The following MAGI1 variants were observed in gnomAD, a reference collection of about 807,000 sequenced individuals.
MAGI1 encodes the protein membrane-associated guanylate kinase, WW and PDZ domain-containing protein 1.
MAGI1 carries 58 observed loss-of-function variants against 139.9 expected under a neutral mutation model. The observed-to-expected ratio is 0.41, with a 90% confidence interval of 0.34 to 0.52. The LOEUF is 0.52. MAGI1 is among the 20% of genes least tolerant of loss of function. The pLI is 0.12. For missense variants in MAGI1, 1,874 were observed against 1,901.6 expected (o/e 0.99, Z 0.27); for synonymous variants, 812 against 737.9 (o/e 1.10, Z -1.63).
chr3:65,539,570 T>C (rs545171600), intron 2 of MAGI1, among the ~76,000 whole-genome samples: 2 of 152,280 alleles, frequency 1.3e-5, no homozygotes, highest in South Asian at 2.1e-4. Flanking sequence ...TTTGTGATCA[T>C]GGCCAAAGCA....
At chr3:65,610,807 A>ATGTATAG (rs2083030630) in intron 2 of MAGI1, among the ~76,000 whole-genome samples, 1 of 110,104 alleles carries the variant, frequency 9.1e-6, no homozygotes, top group Admixed American at 9.4e-5. Context: ...ATATATAGGT[A>ATGTATAG]TATATAGTAT....
At chr3:65,868,258 T>C (rs1199712315) in intron 1 of MAGI1, among the ~76,000 whole-genome samples, 1 of 152,166 alleles carries the variant, frequency 6.6e-6, no homozygotes, top group East Asian at 1.9e-4. Flanking sequence ...ATGACAGTGA[T>C]CACCACTGCA....
chr3:65,585,866 T>C (rs952659291), intron 2 of MAGI1, among the ~76,000 whole-genome samples: 1 of 152,106 alleles, frequency 6.6e-6, no homozygotes, highest in South Asian at 2.1e-4. Context: ...AGTATATTCA[T>C]ACAATGGAAT....
intron 6 of MAGI1, among the ~76,000 whole-genome samples, chr3:65,451,716 C>A (rs1949042093): frequency 6.6e-6 from 1 of 152,208 alleles, no homozygotes; most frequent in African/African-American, 2.4e-5. Flanking sequence ...ACAATCACAG[C>A]TCTCTGCAGC....
At chr3:65,867,379 A>G (rs1393948987) in intron 1 of MAGI1, among the ~76,000 whole-genome samples, 1 of 152,178 alleles carries the variant, frequency 6.6e-6, no homozygotes, top group African/African-American at 2.4e-5. Flanking sequence ...AACAATTCCT[A>G]AAAAGTTAAG....
intron 1 of MAGI1, among the ~76,000 whole-genome samples, chr3:65,864,036 T>C (rs1253228376): frequency 6.6e-6 from 1 of 152,170 alleles, no homozygotes; most frequent in Non-Finnish European, 1.5e-5. Context: ...AATATTTCTC[T>C]TTTTTATTTG....
At chr3:65,651,367 A>T (rs1229549839) in intron 1 of MAGI1, among the ~76,000 whole-genome samples, 1 of 152,222 alleles carries the variant, frequency 6.6e-6, no homozygotes, top group Admixed American at 6.5e-5. Flanking sequence ...CCCTGGAGCT[A>T]AGGCAAAGTA....
chr3:65,932,931 C>A (rs1166707479), intron 1 of MAGI1, among the ~76,000 whole-genome samples: 1 of 151,952 alleles, frequency 6.6e-6, no homozygotes, highest in Non-Finnish European at 1.5e-5. Flanking sequence ...CTATACCAGA[C>A]TACATTTACT....
At chr3:65,646,850 T>TA (rs2085292011) in intron 1 of MAGI1, among the ~76,000 whole-genome samples, 1 of 151,150 alleles carries the variant, frequency 6.6e-6, no homozygotes, top group African/African-American at 2.4e-5. Context: ...TCGACATAAA[T>TA]AAAAAAACAA....
chr3:65,954,453 T>C (rs528196967), intron 1 of MAGI1: 3 of 152,702 alleles, frequency 2.0e-5, no homozygotes, highest in South Asian at 2.1e-4. Context: ...GGTAGAGCCA[T>C]AGGCACTGAC....
chr3:65,667,084 C>T (rs189217458), intron 1 of MAGI1, among the ~76,000 whole-genome samples: 44 of 152,264 alleles, frequency 2.9e-4, no homozygotes, highest in African/African-American at 9.9e-4. Context: ...ATTCCTTCTG[C>T]CCGGAATGAG....
At chr3:65,938,929 G>T (rs2063183102) in intron 1 of MAGI1, among the ~76,000 whole-genome samples, 1 of 152,090 alleles carries the variant, frequency 6.6e-6, no homozygotes. Context: ...AACCATTGTA[G>T]GTAAACAGCA....
At chr3:65,572,828 T>C (rs985607522) in intron 2 of MAGI1, among the ~76,000 whole-genome samples, 3 of 151,882 alleles carry the variant, frequency 2.0e-5, no homozygotes, top group African/African-American at 4.8e-5. Context: ...CAAAAACCCA[T>C]GCCCACTACA....
At chr3:65,892,665 C>G (rs183702507) in intron 1 of MAGI1, among the ~76,000 whole-genome samples, 3 of 152,264 alleles carry the variant, frequency 2.0e-5, no homozygotes, top group Admixed American at 2.0e-4. Context: ...TCTCCCAAAT[C>G]AGCCTAACAG....
chr3:65,370,180 T>C (rs1941845583), intron 18 of MAGI1, among the ~76,000 whole-genome samples: 1 of 151,906 alleles, frequency 6.6e-6, no homozygotes, highest in South Asian at 2.1e-4. Flanking sequence ...AATAGGAGCA[T>C]CACCATGAAC....
At chr3:65,606,440 A>G (rs1285522851) in intron 2 of MAGI1, among the ~76,000 whole-genome samples, 1 of 152,124 alleles carries the variant, frequency 6.6e-6, no homozygotes, top group Non-Finnish European at 1.5e-5. Context: ...TCCCAGGCTC[A>G]AGCAATCCTC....
chr3:65,747,911 C>G (rs1246353382), intron 1 of MAGI1, among the ~76,000 whole-genome samples: 2 of 152,168 alleles, frequency 1.3e-5, no homozygotes, highest in Non-Finnish European at 2.9e-5. Flanking sequence ...GCGGGCGAGG[C>G]AGGGGTGGTG....
intron 15 of MAGI1, among the ~76,000 whole-genome samples, chr3:65,382,629 C>A (rs1943145636): frequency 2.6e-5 from 4 of 152,162 alleles, no homozygotes. Flanking sequence ...AATATTTGTG[C>A]CTGCCTTGCC....
At chr3:65,840,933 G>T (rs2058782451) in intron 1 of MAGI1, among the ~76,000 whole-genome samples, 1 of 151,962 alleles carries the variant, frequency 6.6e-6, no homozygotes, top group Admixed American at 6.6e-5. Flanking sequence ...ATGGGGGAGA[G>T]CCAAATTACA....
Sources: gnomAD v4.1 joint callset for allele counts (sites outside exome capture counted in the v4.1 genomes callset) on GRCh38, gnomAD v4.1.1 for gene constraint, MANE v1.5 for transcripts, NCBI Gene and HGNC (gene_info 2026-07-23, HGNC 2026-07-21) for gene names.